The following ZNF420 variants were observed in gnomAD, a reference collection of about 807,000 sequenced individuals.
The protein encoded by ZNF420 is zinc finger protein 420, also known as ATM and p53-associated KZNF protein.
ZNF420 carries 31 observed loss-of-function variants against 44.7 expected under a neutral mutation model. The ratio of observed to expected loss-of-function variants is 0.69; its 90% CI spans 0.52 to 0.94. The LOEUF is 0.94. Ranked by LOEUF, ZNF420 falls within the 40% of genes least tolerant of loss-of-function variation. ZNF420 has a pLI of 0.00. For synonymous variants in ZNF420, 245 were observed against 267.4 expected (o/e 0.92, Z 0.82); for missense variants, 681 against 827.9 (o/e 0.82, Z 2.18).
At position 37,087,619 on chromosome 19, in the gene ZNF420, A is replaced by G. The variant is rs751212769; in HGVS notation, c.-80-1420A>G. Among the ~76,000 whole-genome samples the G allele has an allele frequency of 3.9e-5, 6 of 152,122 alleles. No individual in the cohort carries two copies. In the South Asian group the frequency reaches 1.2e-3, roughly 32 times the overall value. Reference sequence around the variant, plus strand: ...CTAGGTACTGTTGAATGTTAAAGTAAGTGGGTTGAGGGTAAAGACTTCTAG... The same window carrying G: ...CTAGGTACTGTTGAATGTTAAAGTAGGTGGGTTGAGGGTAAAGACTTCTAG... On this transcript the variant is annotated intron_variant, in intron 2 of 4. Coordinates refer to ENST00000337995, the MANE Select transcript of ZNF420 (RefSeq NM_144689.5).
At chr19:37,088,096 A>G (rs1291682887) in intron 2 of ZNF420, among the ~76,000 whole-genome samples, 3 of 152,236 alleles carry the variant, frequency 2.0e-5, no homozygotes, top group Admixed American at 6.5e-5. Context: ...GAAAGTAGCC[A>G]AAGGCACTAT....
chr19:37,010,659 G>T (rs1334954658), intron 1 of ZNF420, among the ~76,000 whole-genome samples: 1 of 152,002 alleles, frequency 6.6e-6, no homozygotes, highest in Non-Finnish European at 1.5e-5. Flanking sequence ...TCTTTGGTGC[G>T]CCTCTTGCTG....
chr19:37,102,671 A>T (rs1969844549), intron 4 of ZNF420, among the ~76,000 whole-genome samples: 1 of 152,014 alleles, frequency 6.6e-6, no homozygotes, highest in Non-Finnish European at 1.5e-5. Context: ...AAGTTTTACA[A>T]CCTCCTACCT....
At chr19:37,035,784 G>C (rs1472016349) in intron 1 of ZNF420, among the ~76,000 whole-genome samples, 1 of 151,698 alleles carries the variant, frequency 6.6e-6, no homozygotes, top group East Asian at 1.9e-4. Context: ...GCTTGTCAAA[G>C]CTCAATAATT....
chr19:37,119,182 C>T (rs1317865172), intron 4 of ZNF420, among the ~76,000 whole-genome samples: 1 of 151,860 alleles, frequency 6.6e-6, no homozygotes, highest in Non-Finnish European at 1.5e-5. Flanking sequence ...TTTTCAGCAC[C>T]ACACCACACC....
intron 1 of ZNF420, among the ~76,000 whole-genome samples, chr19:37,054,462 T>C (rs969285569): frequency 6.6e-6 from 1 of 152,204 alleles, no homozygotes; most frequent in Non-Finnish European, 1.5e-5. Context: ...TGCTGGGAGC[T>C]CTAGACTGGA....
intron 4 of ZNF420, chr19:37,091,428 A>C (rs1969137624): frequency 5.6e-6 from 1 of 178,194 alleles, no homozygotes; most frequent in Non-Finnish European, 1.2e-5. Context: ...AGATCTGCTA[A>C]AGGAGCTCTA....
intron 3 of ZNF420, among the ~76,000 whole-genome samples, chr19:37,090,232 C>T (rs981383512): frequency 6.6e-6 from 1 of 152,184 alleles, no homozygotes; most frequent in Non-Finnish European, 1.5e-5. Context: ...AGGCCAGGTG[C>T]AGTGGCTCAC....
intron 1 of ZNF420, among the ~76,000 whole-genome samples, chr19:37,056,061 C>G (rs1967746396): frequency 6.6e-6 from 1 of 151,940 alleles, no homozygotes; most frequent in African/African-American, 2.4e-5. Context: ...CTCCCATTCT[C>G]TCTTCTCTCT....
At chr19:37,047,439 A>ACAC (rs745975473) in intron 1 of ZNF420, among the ~76,000 whole-genome samples, 43 of 152,220 alleles carry the variant, frequency 2.8e-4, no homozygotes, top group Admixed American at 1.9e-3. Context: ...CCCTCACCAG[A>ACAC]CACCAATCCT....
intron 1 of ZNF420, among the ~76,000 whole-genome samples, chr19:37,051,348 C>T (rs1967635502): frequency 6.6e-6 from 1 of 152,154 alleles, no homozygotes; most frequent in Admixed American, 6.5e-5. Flanking sequence ...TCCATCTGGT[C>T]CTGGACTTTT....
chr19:37,011,126 T>G (rs1320603852), intron 1 of ZNF420, among the ~76,000 whole-genome samples: 1 of 152,202 alleles, frequency 6.6e-6, no homozygotes, highest in Non-Finnish European at 1.5e-5. Flanking sequence ...GCCCTGTTTC[T>G]GAGGGGCCTA....
In ZNF420 at chr19:37,091,100, T is replaced by C. The variant is rs1599660833; in HGVS notation, c.115T>C (p.Tyr39His). 1 of 1,594,570 alleles carries C rather than the reference T, an allele frequency of 6.3e-7. No homozygotes were observed. Among genetic ancestry groups the C allele is most frequent in the South Asian group, 1.2e-5 (1 of 86,024 alleles). The change falls in exon 4 of 5, where the codon TAT (tyrosine) becomes CAT (histidine). Residue 39 changes from tyrosine to histidine, a missense_variant. Physicochemically the swap from Tyr to His is moderately conservative, Grantham distance 83. Coordinates refer to ENST00000337995, the MANE Select transcript of ZNF420 (RefSeq NM_144689.5). ...GTATAGAGATGTGATGTTGGAGAAC[T>C]ATAGCAACTTGGTATCACTAGGTAA... ...DLYRDVMLEN[Y>H]SNLVSLDLPS...
At chr19:37,027,694 A>G (rs1967182080) in intron 1 of ZNF420, among the ~76,000 whole-genome samples, 1 of 152,164 alleles carries the variant, frequency 6.6e-6, no homozygotes, top group Admixed American at 6.5e-5. Flanking sequence ...GCCTTTTCAC[A>G]TTGGCTTCTT....
chr19:37,083,180 T>A (rs1205683019), intron 2 of ZNF420, among the ~76,000 whole-genome samples: 2 of 151,890 alleles, frequency 1.3e-5, no homozygotes, highest in Non-Finnish European at 2.9e-5. Context: ...TTTTTTTTTT[T>A]TTTATTTTAG....
chr19:37,114,430 T>C (rs1441665075), intron 4 of ZNF420, among the ~76,000 whole-genome samples: 2 of 151,978 alleles, frequency 1.3e-5, no homozygotes, highest in Non-Finnish European at 2.9e-5. Flanking sequence ...AGAGACTCTA[T>C]CTTTCCCTAT....
chr19:37,094,574 A>G (rs1319071733), intron 4 of ZNF420, among the ~76,000 whole-genome samples: 1 of 152,152 alleles, frequency 6.6e-6, no homozygotes, highest in Non-Finnish European at 1.5e-5. Flanking sequence ...TTTGGTTTGC[A>G]TATTGCTTTG....
chr19:37,123,361 A>T (rs776815537), intron 4 of ZNF420, among the ~76,000 whole-genome samples: 39 of 152,130 alleles, frequency 2.6e-4, no homozygotes, highest in Non-Finnish European at 5.4e-4. Context: ...CTGTCTCTGA[A>T]CTTTAGGCCT....
chr19:37,096,321 T>A (rs981195026), intron 4 of ZNF420, among the ~76,000 whole-genome samples: 2 of 152,204 alleles, frequency 1.3e-5, no homozygotes, highest in Non-Finnish European at 2.9e-5. Flanking sequence ...TCCCAATTTC[T>A]GGGAAACAGG....
Sources: gnomAD v4.1 joint callset for allele counts (sites outside exome capture counted in the v4.1 genomes callset) on GRCh38, gnomAD v4.1.1 for gene constraint, MANE v1.5 for transcripts, NCBI Gene and HGNC (gene_info 2026-07-23, HGNC 2026-07-21) for gene names.